Variants in NEGR1 observed in about 807,000 individuals in gnomAD.
NEGR1 encodes neuronal growth regulator 1.
A neutral mutation model predicts 40.9 loss-of-function variants in NEGR1; 10 were observed. That is an observed-to-expected ratio of 0.24 (90% CI 0.15 to 0.42). The LOEUF (loss-of-function observed/expected upper bound fraction) is 0.42, where lower values mean the gene tolerates loss of function less well. NEGR1 is among the 10% of genes least tolerant of loss of function. NEGR1 has a pLI of 1.00. For synonymous variants in NEGR1, 185 were observed against 166.8 expected (o/e 1.11, Z -0.84); for missense variants, 352 against 438.9 (o/e 0.80, Z 1.77).
At chr1:71,823,003 C>A in intron 2 of NEGR1, among the ~76,000 whole-genome samples, 1 of 151,972 alleles carries the variant, frequency 6.6e-6, no homozygotes, top group Non-Finnish European at 1.5e-5. Context: ...TGCATTCAAT[C>A]AAAGACCTTT....
chr1:71,948,483 G>A (rs527305449), intron 1 of NEGR1, among the ~76,000 whole-genome samples: 1 of 71,064 alleles, frequency 1.4e-5, no homozygotes, highest in African/African-American at 7.9e-5. Context: ...CAAAAGGGGC[G>A]TGTGTGTGTG....
chr1:71,916,385 A>G (rs980868080), intron 2 of NEGR1, among the ~76,000 whole-genome samples: 4 of 152,220 alleles, frequency 2.6e-5, no homozygotes, highest in Non-Finnish European at 5.9e-5. Context: ...GTTCTACATA[A>G]TATAAAGATC....
chr1:71,731,322 T>C (rs1386274991), intron 3 of NEGR1, among the ~76,000 whole-genome samples: 1 of 152,092 alleles, frequency 6.6e-6, no homozygotes, highest in Non-Finnish European at 1.5e-5. Context: ...CTACTCAGAG[T>C]GGCTCTACTG....
At chr1:71,792,846 A>C (rs1051865130) in intron 2 of NEGR1, among the ~76,000 whole-genome samples, 1 of 152,250 alleles carries the variant, frequency 6.6e-6, no homozygotes, top group Non-Finnish European at 1.5e-5. Flanking sequence ...AGAAGAAAAA[A>C]GAACTTTTCT....
chr1:71,928,074 G>A (rs1443640643), intron 2 of NEGR1, among the ~76,000 whole-genome samples: 4 of 67,224 alleles, frequency 6.0e-5, no homozygotes, highest in South Asian at 5.2e-4. Flanking sequence ...ACACACATAT[G>A]TACATATATG....
intron 1 of NEGR1, among the ~76,000 whole-genome samples, chr1:71,971,285 T>C (rs1480584523): frequency 6.6e-6 from 1 of 152,222 alleles, no homozygotes; most frequent in Non-Finnish European, 1.5e-5. Context: ...ATATTTGTTT[T>C]TGTTTTGCTT....
intron 1 of NEGR1, among the ~76,000 whole-genome samples, chr1:72,022,630 G>A (rs963116633): frequency 6.6e-6 from 1 of 151,522 alleles, no homozygotes; most frequent in Non-Finnish European, 1.5e-5. Flanking sequence ...ATTGTCAATA[G>A]TAAAAGCTAA....
chr1:71,699,560 A>T (rs527673691), intron 3 of NEGR1, among the ~76,000 whole-genome samples: 3 of 152,078 alleles, frequency 2.0e-5, no homozygotes, highest in African/African-American at 7.2e-5. Flanking sequence ...TATTAAAAAA[A>T]CAAAACACTT....
chr1:72,151,141 C>T (rs888331216), intron 1 of NEGR1, among the ~76,000 whole-genome samples: 10 of 151,604 alleles, frequency 6.6e-5, no homozygotes, highest in South Asian at 2.1e-4. Flanking sequence ...AAACAAGAAA[C>T]GAAATGAAGA....
chr1:72,022,787 C>T (rs980671450), intron 1 of NEGR1, among the ~76,000 whole-genome samples: 11 of 152,010 alleles, frequency 7.2e-5, no homozygotes, highest in East Asian at 1.9e-4. Flanking sequence ...TATTCACAGA[C>T]GATATGATTG....
chr1:71,416,737 G>C (rs1403312414), intron 6 of NEGR1, among the ~76,000 whole-genome samples: 1 of 152,110 alleles, frequency 6.6e-6, no homozygotes, highest in East Asian at 1.9e-4. Context: ...GCCATACTTT[G>C]CACATGTGTC....
At chr1:72,085,627 A>T (rs759190566) in intron 1 of NEGR1, among the ~76,000 whole-genome samples, 1 of 152,148 alleles carries the variant, frequency 6.6e-6, no homozygotes, top group Non-Finnish European at 1.5e-5. Flanking sequence ...AGGAACTAAA[A>T]TAAATTATAA....
At chr1:71,426,927 A>G (rs1027573508) in intron 6 of NEGR1, among the ~76,000 whole-genome samples, 4 of 152,162 alleles carry the variant, frequency 2.6e-5, no homozygotes, top group South Asian at 2.1e-4. Flanking sequence ...TGAAAATCCC[A>G]TATCAAAGAA....
chr1:71,888,019 ACACACACACAC>A (rs1660775769), intron 2 of NEGR1, among the ~76,000 whole-genome samples: 3 of 151,670 alleles, frequency 2.0e-5, no homozygotes, highest in Non-Finnish European at 4.4e-5. Context: ...ACACACACAC[ACACACACACAC>A]ACACACCTCT....
At chr1:71,797,479 T>C (rs1305466390) in intron 2 of NEGR1, among the ~76,000 whole-genome samples, 2 of 152,174 alleles carry the variant, frequency 1.3e-5, no homozygotes, top group African/African-American at 2.4e-5. Context: ...TTGTTTAACA[T>C]TGAACAAGTG....
chr1:71,692,446 C>T (rs758084430), intron 4 of NEGR1, among the ~76,000 whole-genome samples: 1 of 151,564 alleles, frequency 6.6e-6, no homozygotes, highest in Non-Finnish European at 1.5e-5. Context: ...TTCTTCTAGT[C>T]CCATGATAGT....
Position 71,592,275 on chromosome 1 carries a change from T to C in NEGR1, c.940+542A>G, listed in dbSNP as rs182660091. Among the ~76,000 whole-genome samples the C allele has an allele frequency of 3.2e-3, 489 of 152,238 alleles. 1 individual carries two copies. The highest frequency in any genetic ancestry group is 0.011 in the African/African-American group (469 of 41,564). ...GATACATTAGAAATGTAGTATTTAT[T>C]TGAATAAAATCTTAAGTTTTATTTT... On this transcript the variant is annotated intron_variant, in intron 6 of 6. Transcript: ENST00000357731.
chr1:71,460,415 C>T (rs933924256), intron 6 of NEGR1, among the ~76,000 whole-genome samples: 2 of 152,184 alleles, frequency 1.3e-5, no homozygotes, highest in African/African-American at 4.8e-5. Context: ...GCAAGTGACT[C>T]CCATCTTACA....
intron 1 of NEGR1, among the ~76,000 whole-genome samples, chr1:71,956,442 C>T (rs1570551277): frequency 6.6e-6 from 1 of 152,134 alleles, no homozygotes. Context: ...ACTTTTCAAT[C>T]TGCTCATTTA....
Sources: allele counts gnomAD v4.1 joint callset (sites outside exome capture counted in the v4.1 genomes callset), GRCh38; gene constraint gnomAD v4.1.1; transcripts MANE v1.5; gene names NCBI Gene and HGNC (gene_info 2026-07-23, HGNC 2026-07-21).